Variants in CNOT9 observed in about 807,000 individuals in gnomAD.
The protein encoded by CNOT9 is RCD1 required for cell differentiation1 homolog.
Under a neutral mutation model 37.4 loss-of-function variants are expected in CNOT9, and 8 were observed. The ratio of observed to expected loss-of-function variants is 0.21; its 90% CI spans 0.13 to 0.39. The LOEUF (loss-of-function observed/expected upper bound fraction) is 0.39, where lower values mean the gene tolerates loss of function less well. Among genes scored for constraint, CNOT9 ranks in the 10% least tolerant of loss-of-function variants. The pLI is 1.00. For missense variants in CNOT9, 154 were observed against 365.3 expected (o/e 0.42, Z 4.71); for synonymous variants, 120 against 137.6 (o/e 0.87, Z 0.90).
chr2:218,588,020 T>G (rs937937668), intron 5 of CNOT9, among the ~76,000 whole-genome samples: 12 of 152,288 alleles, frequency 7.9e-5, no homozygotes, highest in African/African-American at 2.6e-4. Flanking sequence ...ATCAATTATA[T>G]GTACTTGAGC....
chr2:218,576,184 G>T (rs60451008), intron 1 of CNOT9, among the ~76,000 whole-genome samples: 3,919 of 152,222 alleles, frequency 0.026, 167 homozygotes, highest in African/African-American at 0.09. Context: ...TGAAAGATGG[G>T]CCTAAATAAC....
At chr2:218,587,398 C>T (rs1694631615) in intron 4 of CNOT9, 188 bp from the exon 5 acceptor site, 6 of 1,165,844 alleles carry the variant, frequency 5.1e-6, no homozygotes, top group African/African-American at 1.6e-5. Context: ...GCTGGGATTA[C>T]AGGTGTGAGC....
At chr2:218,584,561 A>G (rs756481493) in intron 3 of CNOT9, 51 bp from the exon 4 acceptor site, 2 of 1,325,160 alleles carry the variant, frequency 1.5e-6, no homozygotes, top group Non-Finnish European at 2.2e-6. Flanking sequence ...AAAGTTCAGG[A>G]TCCTTAGAAA....
At chr2:218,588,192 C>A (rs1694651440) in intron 5 of CNOT9, among the ~76,000 whole-genome samples, 1 of 152,050 alleles carries the variant, frequency 6.6e-6, no homozygotes. Flanking sequence ...TCAGGGTCAG[C>A]CTAATTCTTT....
chr2:218,574,363 A>G (rs1188032248), intron 1 of CNOT9: 2 of 153,424 alleles, frequency 1.3e-5, no homozygotes, highest in Non-Finnish European at 2.9e-5. Context: ...AATCTAAATC[A>G]GATTTCTCAT....
At chr2:218,590,184 C>T (rs928556675) in intron 5 of CNOT9, among the ~76,000 whole-genome samples, 1 of 152,054 alleles carries the variant, frequency 6.6e-6, no homozygotes. Context: ...TCTCATGCCT[C>T]AGCCTCCTGA....
intron 1 of CNOT9, among the ~76,000 whole-genome samples, chr2:218,569,211 CCGGGG>C (rs1481772613): frequency 6.6e-6 from 1 of 152,194 alleles, no homozygotes; most frequent in Non-Finnish European, 1.5e-5. Context: ...TTTGCGGGCG[CCGGGG>C]CCTGGTCCCA....
At chr2:218,586,388 C>G (rs1694599463) in intron 4 of CNOT9, among the ~76,000 whole-genome samples, 1 of 152,132 alleles carries the variant, frequency 6.6e-6, no homozygotes, top group South Asian at 2.1e-4. Flanking sequence ...CTCATTCGCT[C>G]TCTGCCATGT....
intron 5 of CNOT9, among the ~76,000 whole-genome samples, chr2:218,588,614 T>TTTTTTTTGTTGG (rs1694674039): frequency 8.6e-6 from 1 of 116,272 alleles, no homozygotes; most frequent in Admixed American, 9.8e-5. Flanking sequence ...TTTTTTTTTT[T>TTTTTTTTGTTGG]GAGATGGAGT....
intron 1 of CNOT9, among the ~76,000 whole-genome samples, chr2:218,570,540 T>C (rs1693952287): frequency 6.6e-6 from 1 of 152,192 alleles, no homozygotes; most frequent in Non-Finnish European, 1.5e-5. Context: ...TTGTTCCTTC[T>C]CCCAAATTAT....
intron 2 of CNOT9, among the ~76,000 whole-genome samples, chr2:218,581,636 C>A (rs1444971370): frequency 6.6e-6 from 1 of 152,194 alleles, no homozygotes; most frequent in Non-Finnish European, 1.5e-5. Context: ...GTGGCATGAT[C>A]ATCCATTAAA....
At position 218,569,258 on chromosome 2, in the gene CNOT9, C is replaced by A. The variant is rs544221096; in HGVS notation, c.24+280C>A. Among the ~76,000 whole-genome samples the A allele has an allele frequency of 6.6e-5, 10 of 152,308 alleles. No homozygotes were observed. The South Asian group carries it at 2.1e-3, about 32-fold the overall frequency. ...TAGCAGGCCATTCATTGATTTATTG[C>A]GCTGACCAACAGTTTCAGGGCGCCA... On this transcript the variant is annotated intron_variant, in intron 1 of 7. Coordinates refer to ENST00000273064, the MANE Select transcript of CNOT9 (RefSeq NM_005444.3).
At chr2:218,587,414 C>T (rs1400533577) in intron 4 of CNOT9, 172 bp from the exon 5 acceptor site, 7 of 1,244,860 alleles carry the variant, frequency 5.6e-6, no homozygotes, top group South Asian at 2.6e-5. Flanking sequence ...TGAGCTACTG[C>T]GCCGCCCTCT....
intron 4 of CNOT9, among the ~76,000 whole-genome samples, chr2:218,586,383 T>C (rs1244897638): frequency 6.6e-6 from 1 of 152,116 alleles, no homozygotes; most frequent in Non-Finnish European, 1.5e-5. Flanking sequence ...GCTCCCTCAT[T>C]CGCTCTCTGC....
intron 5 of CNOT9, among the ~76,000 whole-genome samples, chr2:218,588,174 G>A (rs555252360): frequency 5.3e-5 from 8 of 152,240 alleles, no homozygotes; most frequent in African/African-American, 1.9e-4. Context: ...GAATATTGCA[G>A]AGAAGTCTCA....
chr2:218,588,093 T>C (rs1694649637), intron 5 of CNOT9, among the ~76,000 whole-genome samples: 2 of 152,166 alleles, frequency 1.3e-5, no homozygotes, highest in South Asian at 4.1e-4. Context: ...TTCTTACTCA[T>C]TGTACAGAAT....
At chr2:218,572,154 C>T (rs543453189) in intron 1 of CNOT9, among the ~76,000 whole-genome samples, 53 of 151,406 alleles carry the variant, frequency 3.5e-4, no homozygotes, top group Non-Finnish European at 6.6e-4. Context: ...AACCTCATCT[C>T]TACTAAAAAT....
intron 2 of CNOT9, chr2:218,581,169 T>TG (rs1694361836): frequency 6.8e-6 from 2 of 292,548 alleles, no homozygotes; most frequent in African/African-American, 4.8e-5. Flanking sequence ...TGTTTGTTTT[T>TG]CTTTTTTTTT....
chr2:218,595,404 C>CTTTTTTTTTTTTTTTTTTT lies in CNOT9; in HGVS notation c.*1138_*1156dup, dbSNP rs57839540. The CTTTTTTTTTTTTTTTTTTT allele has an allele frequency of 6.1e-4, 31 of 50,942 alleles. 6 individuals carry two copies. Among genetic ancestry groups the CTTTTTTTTTTTTTTTTTTT allele is most frequent in the Non-Finnish European group, 7.7e-4 (21 of 27,420 alleles). The allele number at this position is 50,942 out of a possible 1,614,324, so 3.2% of individuals were successfully genotyped here. ...GAGGGCTGGGTTCTGCTCACTCAGT[C>CTTTTTTTTTTTTTTTTTTT]TTTTTTTTTTTTTTTTTTTTTTTTT... is the stretch of plus-strand genomic sequence containing the variant. On this transcript the variant is annotated 3_prime_UTR_variant, in exon 8 of 8. Transcript: ENST00000273064.
Sources: gnomAD v4.1 joint callset for allele counts (sites outside exome capture counted in the v4.1 genomes callset) on GRCh38, gnomAD v4.1.1 for gene constraint, MANE v1.5 for transcripts, NCBI Gene and HGNC (gene_info 2026-07-23, HGNC 2026-07-21) for gene names.